The following COL5A2 variants were observed in gnomAD, a reference collection of about 807,000 sequenced individuals.
COL5A2 encodes the protein collagen type V alpha 2 chain.
In COL5A2, 23 loss-of-function variants were observed where a neutral mutation model predicts 208.2. The ratio of observed to expected loss-of-function variants is 0.11; its 90% CI spans 0.08 to 0.16. The LOEUF (loss-of-function observed/expected upper bound fraction) is 0.16, where lower values mean the gene tolerates loss of function less well. Ranked by LOEUF, COL5A2 falls within the 10% of genes least tolerant of loss-of-function variation. COL5A2 has a pLI of 1.00. For missense variants in COL5A2, 1,590 were observed against 1,956.4 expected (o/e 0.81, Z 3.53); for synonymous variants, 625 against 628.5 (o/e 0.99, Z 0.08).
At chr2:189,272,676 C>G in the COL5A2 span, among the ~76,000 whole-genome samples, 5 of 151,768 alleles carry the variant, frequency 3.3e-5, no homozygotes, top group Admixed American at 6.6e-5. Flanking sequence ...TAAAAAAAAT[C>G]TCAATTTCCA....
intron 1 of COL5A2, among the ~76,000 whole-genome samples, chr2:189,127,368 G>C (rs1687627460): frequency 6.6e-6 from 1 of 151,942 alleles, no homozygotes; most frequent in African/African-American, 2.4e-5. Context: ...AGAAGAAATG[G>C]AGGAAGAGAA....
chr2:189,319,527 C>A, the COL5A2 span, among the ~76,000 whole-genome samples: 257 of 152,400 alleles, frequency 1.7e-3, 3 homozygotes, highest in Middle Eastern at 0.014. Flanking sequence ...TATCCCGTGC[C>A]TGGCTCGGAG....
chr2:189,037,479 A>C (rs1166806227), intron 51 of COL5A2, among the ~76,000 whole-genome samples: 1 of 152,192 alleles, frequency 6.6e-6, no homozygotes, highest in Non-Finnish European at 1.5e-5. Context: ...TAATGTATAG[A>C]GTTAATAAAA....
intron 29 of COL5A2, 29 bp downstream of exon 29, chr2:189,062,835 CT>C: frequency 6.2e-7 from 1 of 1,612,246 alleles, no homozygotes; most frequent in Non-Finnish European, 8.5e-7. Flanking sequence ...TATATATATT[CT>C]CACACACACA....
At chr2:189,181,034 AG>A (rs1688772543), upstream of COL5A2, among the ~76,000 whole-genome samples, 1 of 152,234 alleles carries the variant, frequency 6.6e-6, no homozygotes, top group African/African-American at 2.4e-5. Flanking sequence ...ATCACCTTCA[AG>A]GAACATATGT....
the COL5A2 span, among the ~76,000 whole-genome samples, chr2:189,274,223 T>C: frequency 6.6e-6 from 1 of 152,180 alleles, no homozygotes; most frequent in Non-Finnish European, 1.5e-5. Flanking sequence ...ATATACAGTA[T>C]CCTTTTATCT....
At position 189,041,610 on chromosome 2, in the gene COL5A2, G is replaced by A; in HGVS notation, c.3609C>T (p.Gly1203=). Residue 1203 remains glycine, a synonymous_variant, in exon 50 of 54, where the codon GGC becomes GGT. Coordinates refer to ENST00000374866, the MANE Select transcript of COL5A2 (RefSeq NM_000393.5). ...LGPIGPPGVR[G]SVGEAGPEGP... ...CCTCAGGTCCTGCTTCTCCTACACTGCCTCGTACACCTGGAGGTCCAATTG... is the reference window on the plus strand; with the variant it reads ...CCTCAGGTCCTGCTTCTCCTACACTACCTCGTACACCTGGAGGTCCAATTG... 1.2e-6 allele frequency: 2 copies of A among 1,613,722 alleles called. No individual in the cohort carries two copies. Among genetic ancestry groups the A allele is most frequent in the East Asian group, 2.2e-5 (1 of 44,870 alleles).
At chr2:189,054,067 T>C (rs1305621404) in intron 36 of COL5A2, 92 bp downstream of exon 36, 2 of 1,386,322 alleles carry the variant, frequency 1.4e-6, no homozygotes, top group Non-Finnish European at 2.1e-6. Flanking sequence ...CTTGCTCAGA[T>C]ACCATATGTT....
chr2:189,279,165 G>C, the COL5A2 span, among the ~76,000 whole-genome samples: 1 of 151,608 alleles, frequency 6.6e-6, no homozygotes, highest in East Asian at 1.9e-4. Context: ...AAGATGAGAA[G>C]GAAAGAAAGA....
In COL5A2 at chr2:189,086,755, T is replaced by C. The variant is rs1433974123; in HGVS notation, c.661A>G (p.Arg221Gly). 1 of 1,583,592 alleles carries C rather than the reference T, an allele frequency of 6.3e-7. No homozygotes were observed. The highest frequency in any genetic ancestry group is 1.3e-5 in the African/African-American group (1 of 74,706). ...TGTCCTTGTAAACCCTGTGGTCCCC[T>C]TGGGCCAACAGGACCCTTAAAAACA... is the stretch of plus-strand genomic sequence containing the variant. ...MPGSVGPVGP[R>G]GPQGLQGQQG... is the part of the protein sequence containing the mutation. Residue 221 changes from arginine to glycine, a missense_variant, in exon 9 of 54, where the codon AGG becomes GGG. Physicochemically the swap from Arg to Gly is moderately radical, Grantham distance 125 (BLOSUM62 -2). Coordinates refer to ENST00000374866, the MANE Select transcript of COL5A2 (RefSeq NM_000393.5).
At chr2:189,149,299 A>C (rs1409834268) in intron 1 of COL5A2, among the ~76,000 whole-genome samples, 2 of 152,248 alleles carry the variant, frequency 1.3e-5, no homozygotes, top group East Asian at 1.9e-4. Flanking sequence ...AATAGAAATA[A>C]GGTTCTATAA....
At chr2:189,287,608 T>A in the COL5A2 span, among the ~76,000 whole-genome samples, 2 of 152,182 alleles carry the variant, frequency 1.3e-5, no homozygotes, top group Non-Finnish European at 2.9e-5. Flanking sequence ...AGGAAATATA[T>A]GATGAGGTAC....
intron 1 of COL5A2, among the ~76,000 whole-genome samples, chr2:189,218,003 C>A (rs1482841639): frequency 1.3e-5 from 2 of 152,148 alleles, no homozygotes; most frequent in African/African-American, 4.8e-5. Flanking sequence ...TGGTCATGTG[C>A]AGAAGTGGTT....
chr2:189,163,306 G>T (rs1290794607), intron 1 of COL5A2, among the ~76,000 whole-genome samples: 1 of 152,180 alleles, frequency 6.6e-6, no homozygotes, highest in Non-Finnish European at 1.5e-5. Context: ...AAGAAGGCAC[G>T]CTGCTAAACT....
chr2:189,142,376 A>T lies in COL5A2; in HGVS notation c.98-31927T>A, dbSNP rs925208266. ...AGCTCACCATAATTATAAATTTTTT[A>T]TATCTGTGCATATCATTTACCAATA... On this transcript the variant is annotated intron_variant, in intron 1 of 53. Transcript: ENST00000374866. Among the ~76,000 whole-genome samples the T allele has an allele frequency of 3.3e-5, 5 of 152,070 alleles. No individual in the cohort carries two copies. The East Asian group carries it at 9.6e-4, about 29-fold the overall frequency.
At chr2:189,345,945 T>C in the COL5A2 span, among the ~76,000 whole-genome samples, 1 of 152,210 alleles carries the variant, frequency 6.6e-6, no homozygotes, top group Non-Finnish European at 1.5e-5. Context: ...AGTGTGGATG[T>C]ATGAATAAAT....
the COL5A2 span, among the ~76,000 whole-genome samples, chr2:189,411,233 G>T: frequency 6.6e-6 from 1 of 152,144 alleles, no homozygotes; most frequent in East Asian, 1.9e-4. Context: ...CAGAAATATA[G>T]ATTGGCTCTT....
chr2:189,431,882 A>G, the COL5A2 span, among the ~76,000 whole-genome samples: 1 of 152,206 alleles, frequency 6.6e-6, no homozygotes, highest in Admixed American at 6.5e-5. Flanking sequence ...AGCAACCCCA[A>G]GACACATAAT....
At chr2:189,339,051 A>G in the COL5A2 span, among the ~76,000 whole-genome samples, 1 of 152,176 alleles carries the variant, frequency 6.6e-6, no homozygotes, top group Non-Finnish European at 1.5e-5. Context: ...TGACTTACAC[A>G]GCATTTTAGA....
Sources: gnomAD v4.1 joint callset for allele counts (sites outside exome capture counted in the v4.1 genomes callset) on GRCh38, gnomAD v4.1.1 for gene constraint, MANE v1.5 for transcripts, NCBI Gene and HGNC (gene_info 2026-07-23, HGNC 2026-07-21) for gene names.